Variants in MAPKBP1 observed in about 807,000 individuals in gnomAD.
The protein encoded by MAPKBP1 is mitogen-activated protein kinase binding protein 1, also known as mitogen-activated protein kinase-binding protein 1.
MAPKBP1 carries 71 observed loss-of-function variants against 170.5 expected under a neutral mutation model. The ratio of observed to expected loss-of-function variants is 0.42; its 90% CI spans 0.34 to 0.51. The LOEUF is 0.51. MAPKBP1 is among the 20% of genes least tolerant of loss of function. The pLI is 0.06. For synonymous variants in MAPKBP1, 719 were observed against 757.9 expected, an observed-to-expected ratio of 0.95 and a Z score of 0.84; for missense variants, 1,598 against 1,933.0, an observed-to-expected ratio of 0.83 and a Z score of 3.25.
Position 41,823,141 on chromosome 15 carries a change from T to G in MAPKBP1, c.3517T>G (p.Trp1173Gly), listed in dbSNP as rs765483752. ...PRCRLNPDSS[W>G]APKRVATASP... ...ATGCCGTCTCAACCCTGACAGCAGC[T>G]GGGCTCCCAAGAGAGTGGCCACAGC... The change falls in exon 28 of 31, where the codon TGG (tryptophan) becomes GGG (glycine). Residue 1173 changes from tryptophan to glycine, a missense_variant. By Grantham distance (184) the Trp-to-Gly change is radical. Around this residue, in one of 6 missense-constraint regions of MAPKBP1, gnomAD observed 942 missense variants for 953.2 expected, o/e 0.99. Coordinates refer to ENST00000457542, the MANE Select transcript of MAPKBP1 (RefSeq NM_014994.3). 1 of 1,613,696 alleles carries G rather than the reference T, an allele frequency of 6.2e-7. No individual in the cohort carries two copies. The highest frequency in any genetic ancestry group is 1.7e-5 in the Admixed American group (1 of 60,012).
chr15:41,813,098 G>A lies in MAPKBP1; in HGVS notation c.816G>A (p.Leu272=). 1 of 1,601,466 alleles carries A rather than the reference G, an allele frequency of 6.2e-7. No homozygotes were observed. Among genetic ancestry groups the A allele is most frequent in the Non-Finnish European group, 8.5e-7 (1 of 1,173,764 alleles). ...GGCTTTTGGACAAGTGGGTGGAGCT[G>A]AGGGTAAGTACCTCCGTCCCCAGGG... is the stretch of plus-strand genomic sequence containing the variant. ...DRRLLDKWVE[L]RTTVAHCISV... Residue 272 remains leucine, a synonymous_variant, in exon 8 of 31, where the codon CTG becomes CTA. Transcript: ENST00000457542.
intron 2 of MAPKBP1, among the ~76,000 whole-genome samples, chr15:41,778,480 A>G (rs185143444): frequency 6.6e-6 from 1 of 152,380 alleles, no homozygotes; most frequent in African/African-American, 2.4e-5. Flanking sequence ...TTTAAGTTAC[A>G]TCAAAGAGTA....
Position 41,818,332 on chromosome 15 carries a change from GAAGCT to G in MAPKBP1, c.2092+28_2092+32del, listed in dbSNP as rs773338630. On this transcript the variant is annotated intron_variant, in intron 18 of 30. Coordinates refer to ENST00000457542, the MANE Select transcript of MAPKBP1 (RefSeq NM_014994.3). The surrounding 1 kb of genome is among the most constrained non-coding windows in gnomAD (Gnocchi z 5.2). ...TGAGTGTAGCCTGAATCCCCGAGTA[GAAGCT>G]GATACCTGCGTAAACCTGAGTGAGT... The G allele has an allele frequency of 6.3e-7, 1 of 1,579,248 alleles. No homozygotes were observed. The highest frequency in any genetic ancestry group is 1.7e-5 in the Admixed American group (1 of 59,976).
At chr15:41,815,911 A>C in intron 12 of MAPKBP1, 112 bp downstream of exon 12, 1 of 1,100,750 alleles carries the variant, frequency 9.1e-7, no homozygotes, top group Non-Finnish European at 1.3e-6. Context: ...ATACTTATTT[A>C]CAAGGCAAAG....
Position 41,814,673 on chromosome 15 carries a change from G to A in MAPKBP1, c.1104G>A (p.Arg368=), listed in dbSNP as rs780221135. ...NDHSIYVWDV[R]DPKKVGKVYS... ...ATAGCATTTATGTTTGGGATGTGAG[G>A]GACCCCAAGAAAGTGGGCAAGGTGT... The change falls in exon 10 of 31, where the codon AGG becomes AGA. Residue 368 remains arginine, a synonymous_variant. Transcript: ENST00000457542. 1.2e-6 allele frequency: 2 copies of A among 1,614,178 alleles called. No individual in the cohort carries two copies. The highest frequency in any genetic ancestry group is 2.2e-5 in the East Asian group (1 of 44,878).
rs766183248 is a variant in MAPKBP1, at chr15:41,815,735, C to T, written c.1429C>T (p.Arg477Cys). The change falls in exon 12 of 31, where the codon CGC becomes TGC. Residue 477 changes from arginine to cysteine, a missense_variant. By Grantham distance (180) the Arg-to-Cys change is radical. Transcript: ENST00000457542. ...CCTGTTGGATCCCCGCGTGGGCATC[C>T]GCTCGGTGTGTGTCAGCCCCAATGG... ...ASLLDPRVGI[R>C]SVCVSPNGQH... is the part of the protein sequence containing the mutation. The T allele has an allele frequency of 3.1e-6, 5 of 1,614,170 alleles. No homozygotes were observed. The highest frequency in any genetic ancestry group is 2.5e-6 in the Non-Finnish European group (3 of 1,180,030).
At position 41,799,914 on chromosome 15, in the gene MAPKBP1, G is replaced by GCCTT; in HGVS notation, c.206_206+1insCCTT (p.Cys70LeufsTer33). 1 of 1,614,012 alleles carries GCCTT rather than the reference G, an allele frequency of 6.2e-7. No individual in the cohort carries two copies. On this transcript the variant is annotated frameshift_variant and splice_region_variant. Coordinates refer to ENST00000457542, the MANE Select transcript of MAPKBP1 (RefSeq NM_014994.3). LOFTEE classifies it high-confidence loss of function. ...TCAGGTTTAGTTGCTTACCCAGCAG[G>GCCTT]GTAAGTAAGCGCCTTGGAAGAGATC...
rs150429615 is a variant in MAPKBP1, at chr15:41,815,725, C to T, written c.1419C>T (p.Arg473=). Residue 473 remains arginine, a synonymous_variant, in exon 12 of 31, where the codon CGC becomes CGT. Transcript: ENST00000457542. ...CTGATGCATCCCTGTTGGATCCCCG[C>T]GTGGGCATCCGCTCGGTGTGTGTCA... ...DKADASLLDP[R]VGIRSVCVSP... 22 of 1,614,184 alleles carry T rather than the reference C, an allele frequency of 1.4e-5. No homozygotes were observed. Among genetic ancestry groups the T allele is most frequent in the Middle Eastern group, 1.6e-4 (1 of 6,062 alleles).
chr15:41,794,218 C>A (rs2064445380), intron 2 of MAPKBP1, among the ~76,000 whole-genome samples: 1 of 152,068 alleles, frequency 6.6e-6, no homozygotes, highest in Admixed American at 6.6e-5. Context: ...GGTGACAGAG[C>A]AAGACTTGTC....
rs181812996 is a variant in MAPKBP1, at chr15:41,798,218, C to G, written c.115-1605C>G. 1.0e-3 allele frequency among the ~76,000 whole-genome samples: 137 copies of G among 137,684 alleles called. 4 individuals are homozygous for G. Among genetic ancestry groups the G allele is most frequent in the Admixed American group, 9.4e-3 (127 of 13,504 alleles). 90.3% of individuals were successfully genotyped at this position (137,684 alleles called of 152,430 possible). ...TGAGCCGAGATGGTGCCACTGCACT[C>G]CAGCCTGGGTGACAGAGTGAGACTC... is the stretch of plus-strand genomic sequence containing the variant. On this transcript the variant is annotated intron_variant, in intron 2 of 30. Coordinates refer to ENST00000457542, the MANE Select transcript of MAPKBP1 (RefSeq NM_014994.3).
At chr15:41,811,882 G>A (rs1234330030) in intron 5 of MAPKBP1, 75 bp from the exon 6 acceptor site, 24 of 1,514,404 alleles carry the variant, frequency 1.6e-5, no homozygotes, top group African/African-American at 4.1e-5. Flanking sequence ...CGAGGGCCCC[G>A]CTCTGGAAGA....
At chr15:41,793,625 G>T (rs764460294) in intron 2 of MAPKBP1, among the ~76,000 whole-genome samples, 6 of 152,220 alleles carry the variant, frequency 3.9e-5, no homozygotes, top group Non-Finnish European at 8.8e-5. Flanking sequence ...GAAGCTCTCT[G>T]TTGTCCTTGA....
At chr15:41,787,307 A>T (rs1268470992) in intron 2 of MAPKBP1, among the ~76,000 whole-genome samples, 1 of 150,846 alleles carries the variant, frequency 6.6e-6, no homozygotes, top group African/African-American at 2.4e-5. Context: ...CACTGTTCTG[A>T]TTATCAAGGG....
intron 2 of MAPKBP1, 47 bp downstream of exon 2, chr15:41,775,436 C>A: frequency 1.5e-6 from 2 of 1,350,688 alleles, no homozygotes; most frequent in Non-Finnish European, 2.1e-6. Context: ...CCCTCTCCTG[C>A]TCCATGTTCC....
rs760765383 is a variant in MAPKBP1 at position 41,821,564 on chromosome 15, A to T, written c.2719-20A>T. The stretch of plus-strand genomic sequence containing the variant: ...CATCTGTCACCTCTGCTCTGTTAAC[A>T]TCCCTTTGTGTGTTCCCAGAATGAA... On this transcript the variant is annotated intron_variant, in intron 23 of 30. Coordinates refer to ENST00000457542, the MANE Select transcript of MAPKBP1 (RefSeq NM_014994.3). 7.0e-5 allele frequency: 112 copies of T among 1,606,946 alleles called. No homozygotes were observed. The highest frequency in any genetic ancestry group is 9.3e-5 in the Non-Finnish European group (109 of 1,176,836).
In MAPKBP1 at chr15:41,812,215, A is replaced by G. The variant is rs572477166; in HGVS notation, c.498+88A>G. 2.6e-5 allele frequency: 39 copies of G among 1,506,972 alleles called. 1 individual carries two copies. The highest frequency in any genetic ancestry group is 3.6e-5 in the Non-Finnish European group (39 of 1,096,028). 93.4% of individuals were successfully genotyped at this position (1,506,972 alleles called of 1,614,324 possible). On this transcript the variant is annotated intron_variant, in intron 6 of 30. Coordinates refer to ENST00000457542, the MANE Select transcript of MAPKBP1 (RefSeq NM_014994.3). Reference sequence around the variant, plus strand: ...AGAGACTGCTGACCTGCACTGCTCCATTCCACCCCACTGAACCATTCTCAT... The same window carrying G: ...AGAGACTGCTGACCTGCACTGCTCCGTTCCACCCCACTGAACCATTCTCAT...
chr15:41,795,630 A>G (rs910035285), intron 2 of MAPKBP1, among the ~76,000 whole-genome samples: 7 of 152,072 alleles, frequency 4.6e-5, no homozygotes, highest in Non-Finnish European at 5.9e-5. Flanking sequence ...TTTTTGAGAC[A>G]GAGTCTCGCT....
At chr15:41,804,051 G>C (rs763944945) in intron 3 of MAPKBP1, among the ~76,000 whole-genome samples, 3 of 152,184 alleles carry the variant, frequency 2.0e-5, no homozygotes, top group Non-Finnish European at 4.4e-5. Context: ...TGTTGGTCAG[G>C]CTGGTCTCAA....
At position 41,817,400 on chromosome 15, in the gene MAPKBP1, A is replaced by C. The variant is rs1242187887; in HGVS notation, c.1724A>C (p.Gln575Pro). 6 of 1,614,162 alleles carry C rather than the reference A, an allele frequency of 3.7e-6. No homozygotes were observed. The highest frequency in any genetic ancestry group is 5.1e-6 in the Non-Finnish European group (6 of 1,180,014). ...TAVKFAASDGQVRMISCGADK... is the reference protein window; with the variant it reads ...TAVKFAASDGPVRMISCGADK... Reference sequence around the variant, plus strand: ...CCCTCCTTCATAGCCAGTGATGGGCAAGTCCGCATGATCAGCTGTGGAGCA... The same window carrying C: ...CCCTCCTTCATAGCCAGTGATGGGCCAGTCCGCATGATCAGCTGTGGAGCA... Residue 575 changes from glutamine (Q) to proline (P), a missense_variant, in exon 15 of 31, where the codon CAA (glutamine) becomes CCA (proline). Transcript: ENST00000457542. This position sits in a 1 kb window ranked among gnomAD's most constrained non-coding sequence, Gnocchi z 4.2.
Sources: allele counts gnomAD v4.1 joint callset (sites outside exome capture counted in the v4.1 genomes callset), GRCh38; gene constraint gnomAD v4.1.1; regional missense constraint gnomAD v4.1.1; non-coding constraint Gnocchi (gnomAD v3.1); transcripts MANE v1.5; gene names NCBI Gene and HGNC (gene_info 2026-07-23, HGNC 2026-07-21).